The following BCAS1 variants were observed in gnomAD, a reference collection of about 807,000 sequenced individuals.
The protein encoded by BCAS1 is brain enriched myelin associated protein 1.
In BCAS1, 46 loss-of-function variants were observed where a neutral mutation model predicts 65.4. That is an observed-to-expected ratio of 0.70 (90% CI 0.55 to 0.90). BCAS1 has a LOEUF of 0.90. BCAS1 is among the 40% of genes least tolerant of loss of function. BCAS1 has a pLI of 0.00. For missense variants in BCAS1, 793 were observed against 771.2 expected (o/e 1.03, Z -0.33); for synonymous variants, 298 against 293.5 (o/e 1.02, Z -0.16).
intron 11 of BCAS1, among the ~76,000 whole-genome samples, chr20:53,955,930 A>G (rs2089683960): frequency 6.6e-6 from 1 of 152,238 alleles, no homozygotes; most frequent in Admixed American, 6.5e-5. Flanking sequence ...TTAAATATGA[A>G]GAGTATAGTA....
chr20:54,059,647 A>G (rs1185130263), intron 1 of BCAS1, among the ~76,000 whole-genome samples: 2 of 152,222 alleles, frequency 1.3e-5, no homozygotes, highest in African/African-American at 4.8e-5. Flanking sequence ...TGGTTGTATG[A>G]ACATCATAGA....
At chr20:54,007,167 G>A (rs946473025) in intron 4 of BCAS1, among the ~76,000 whole-genome samples, 2 of 152,178 alleles carry the variant, frequency 1.3e-5, no homozygotes, top group Non-Finnish European at 2.9e-5. Flanking sequence ...AATAAAAGGG[G>A]CTATGTCTAG....
chr20:53,997,268 G>A (rs948544125), intron 4 of BCAS1, among the ~76,000 whole-genome samples: 5 of 152,320 alleles, frequency 3.3e-5, no homozygotes, highest in African/African-American at 1.2e-4. Context: ...CAAGGACAGC[G>A]AGGCCCACAG....
intron 4 of BCAS1, among the ~76,000 whole-genome samples, chr20:54,027,037 G>GA (rs3835351): frequency 0.59 from 89,937 of 152,112 alleles, 26,743 homozygotes; most frequent in South Asian, 0.62. Context: ...CAGATGCCTG[G>GA]TGCATTTGGA....
intron 4 of BCAS1, among the ~76,000 whole-genome samples, chr20:54,026,097 CA>C (rs2091667016): frequency 6.6e-6 from 1 of 152,120 alleles, no homozygotes; most frequent in African/African-American, 2.4e-5. Flanking sequence ...TGTCATGTAA[CA>C]AAATCAGATG....
At chr20:53,995,853 G>A in intron 5 of BCAS1, 39 bp downstream of exon 5, 1 of 1,541,918 alleles carries the variant, frequency 6.5e-7, no homozygotes, top group Non-Finnish European at 8.8e-7. Context: ...AAACTTTTGA[G>A]CAATAGAGTG....
chr20:53,970,360 A>G (rs1164936303), intron 9 of BCAS1, among the ~76,000 whole-genome samples: 1 of 152,236 alleles, frequency 6.6e-6, no homozygotes, highest in Non-Finnish European at 1.5e-5. Flanking sequence ...GTAGCCAAGG[A>G]AAATCCACTG....
intron 3 of BCAS1, among the ~76,000 whole-genome samples, chr20:54,033,822 T>C (rs1337021438): frequency 1.3e-5 from 2 of 151,114 alleles, no homozygotes; most frequent in African/African-American, 2.4e-5. Context: ...CATCCTGATA[T>C]CAAAACCTGG....
At chr20:54,052,755 G>A (rs942527870) in intron 3 of BCAS1, among the ~76,000 whole-genome samples, 2 of 152,056 alleles carry the variant, frequency 1.3e-5, no homozygotes, top group Non-Finnish European at 2.9e-5. Flanking sequence ...TGAACCTGCT[G>A]GTGCTTTGAT....
In BCAS1 at chr20:53,992,622, C is replaced by T. The variant is rs376240909; in HGVS notation, c.952G>A (p.Asp318Asn). 2.2e-6 allele frequency: 3 copies of T among 1,365,962 alleles called. No homozygotes were observed. The highest frequency in any genetic ancestry group is 2.9e-6 in the Non-Finnish European group (3 of 1,021,774). The allele number at this position is 1,365,962 out of a possible 1,614,324, so 84.6% of individuals were successfully genotyped here. ...GATGTCTTCTGACCAGCTTGTCCAT[C>T]ACAGACACTTTCTGCTTTCGATGCC... ...DTASKAESVC[D>N]GQAGQKTSEI... Residue 318 changes from aspartate to asparagine, a missense_variant, in exon 7 of 13, where the codon GAT (aspartate) becomes AAT (asparagine). Transcript: ENST00000688948.
chr20:53,962,716 G>C, intron 10 of BCAS1, among the ~76,000 whole-genome samples: 1 of 152,130 alleles, frequency 6.6e-6, no homozygotes, highest in East Asian at 1.9e-4. Flanking sequence ...CCTCGCAATT[G>C]TTTAAAATCC....
chr20:53,992,642 G>A lies in BCAS1; in HGVS notation c.932C>T (p.Ser311Leu), dbSNP rs373273379. 1.4e-4 allele frequency: 188 copies of A among 1,365,880 alleles called. 2 individuals are homozygous for A. In the African/African-American group the frequency reaches 2.0e-3, roughly 15 times the overall value. 84.6% of individuals were successfully genotyped at this position (1,365,880 alleles called of 1,614,324 possible). ...ETKKDPEDTA[S>L]KAESVCDGQA... The stretch of plus-strand genomic sequence containing the variant: ...TCCATCACAGACACTTTCTGCTTTC[G>A]ATGCCTTTGGGGCAACAGCAGTCAC... Residue 311 changes from serine (S) to leucine (L), a missense_variant, in exon 7 of 13, where the codon TCG (serine) becomes TTG (leucine). Ser to Leu is a moderately radical substitution (Grantham distance 145). Coordinates refer to ENST00000688948, the MANE Select transcript of BCAS1 (RefSeq NM_001366298.2).
Position 54,034,659 on chromosome 20 carries a change from C to T in BCAS1, c.143-5687G>A, listed in dbSNP as rs948835175. Among the ~76,000 whole-genome samples the T allele has an allele frequency of 5.3e-5, 8 of 151,302 alleles. No homozygotes were observed. The East Asian group carries it at 1.5e-3, about 29-fold the overall frequency. On this transcript the variant is annotated intron_variant, in intron 3 of 12. Transcript: ENST00000688948. ...TGACACAAACAAATGGAAAAACATT[C>T]CATGTTCATTGATAGGAAGAATCAA...
chr20:54,006,935 C>T (rs1245991180), intron 4 of BCAS1, among the ~76,000 whole-genome samples: 1 of 152,160 alleles, frequency 6.6e-6, no homozygotes, highest in Non-Finnish European at 1.5e-5. Context: ...TAAACTAATA[C>T]ATCTCACAGA....
chr20:54,004,749 A>C (rs872923), intron 4 of BCAS1, among the ~76,000 whole-genome samples: 54,718 of 151,890 alleles, frequency 0.36, 11,128 homozygotes, highest in South Asian at 0.51. Context: ...TGTGGACTTA[A>C]AGTTTGTGTC....
At chr20:54,009,355 C>T (rs2091273106) in intron 4 of BCAS1, among the ~76,000 whole-genome samples, 2 of 152,094 alleles carry the variant, frequency 1.3e-5, no homozygotes, top group South Asian at 4.1e-4. Flanking sequence ...GTAGAGACAA[C>T]AGATGACAAC....
intron 10 of BCAS1, among the ~76,000 whole-genome samples, chr20:53,959,173 C>T (rs2089795486): frequency 6.6e-6 from 1 of 152,104 alleles, no homozygotes; most frequent in Non-Finnish European, 1.5e-5. Context: ...TTAACAGCAG[C>T]TTCAACCTCC....
chr20:53,960,491 AAAAAAG>A (rs1369029480), intron 10 of BCAS1, among the ~76,000 whole-genome samples: 6,157 of 130,990 alleles, frequency 0.047, 620 homozygotes, highest in African/African-American at 0.2. Flanking sequence ...AAAAAAAAAA[AAAAAAG>A]AGAGAGAGAG....
intron 3 of BCAS1, among the ~76,000 whole-genome samples, chr20:54,054,784 G>A (rs771345279): frequency 6.6e-5 from 10 of 152,150 alleles, no homozygotes; most frequent in Admixed American, 2.6e-4. Context: ...GTGTTCACAC[G>A]GCAACTGCTG....
Sources: gnomAD v4.1 joint callset for allele counts (sites outside exome capture counted in the v4.1 genomes callset) on GRCh38, gnomAD v4.1.1 for gene constraint, MANE v1.5 for transcripts, NCBI Gene and HGNC (gene_info 2026-07-23, HGNC 2026-07-21) for gene names.